MED25: variants seen among roughly 807,000 people sequenced by gnomAD.
The protein encoded by MED25 is mediator complex subunit 25, also known as mediator of RNA polymerase II transcription subunit 25.
A neutral mutation model predicts 89.4 loss-of-function variants in MED25; 62 were observed. The observed-to-expected ratio is 0.69, with a 90% CI of 0.57 to 0.86. MED25 has a LOEUF of 0.86. Ranked by LOEUF, MED25 falls within the 40% of genes least tolerant of loss-of-function variation. MED25 has a pLI of 0.00. For synonymous variants in MED25, 449 were observed against 427.9 expected (o/e 1.05, Z -0.61); for missense variants, 905 against 1,005.2 (o/e 0.90, Z 1.35).
At chr19:49,832,833 T>A in intron 13 of MED25, 1 of 298,588 alleles carries the variant, frequency 3.3e-6, no homozygotes, top group Non-Finnish European at 6.5e-6. Flanking sequence ...CTCTAGAGGC[T>A]GGAGGGAAGG....
rs1310661660 is a variant in MED25, at chr19:49,818,347, C to T, written c.6C>T (p.Val2=). The change falls in exon 1 of 18, where the codon GTC becomes GTT. Residue 2 remains valine, a synonymous_variant. Transcript: ENST00000312865. M[V]PGSEGPARAG... ...TGGCGGGTACCGCACGGGGTATGGT[C>T]CCCGGGTCCGAGGGCCCGGCCCGCG... 9 of 1,590,662 alleles carry T rather than the reference C, an allele frequency of 5.7e-6. No homozygotes were observed. The highest frequency in any genetic ancestry group is 1.8e-5 in the Admixed American group (1 of 56,128).
chr19:49,839,039 C>G, downstream of MED25: 2 of 313,524 alleles, frequency 6.4e-6, no homozygotes, highest in Non-Finnish European at 1.2e-5. Flanking sequence ...GGAGATAACT[C>G]GGGGGATTTA....
Position 49,830,216 on chromosome 19 carries a change from C to T in MED25, c.817C>T (p.Gln273Ter). ...QPLPPVPPQY[Q>*]VPGNLSAAQV... ...TCTGCCCCCCGTCCCCCCGCAGTAC[C>T]AGGTATGGATATTTCCGGGAAGGGA... is the stretch of plus-strand genomic sequence containing the variant. Residue 273 changes from glutamine to a stop codon, truncating the protein, a stop_gained and splice_region_variant, in exon 7 of 18, where the codon CAG (glutamine) becomes TAG (stop). Transcript: ENST00000312865. LOFTEE classifies it high-confidence loss of function. The surrounding 1 kb of genome is among the most constrained non-coding windows in gnomAD (Gnocchi z 4.6). The T allele has an allele frequency of 6.2e-7, 1 of 1,607,638 alleles. No homozygotes were observed. Among genetic ancestry groups the T allele is most frequent in the Non-Finnish European group, 8.5e-7 (1 of 1,176,662 alleles).
Position 49,836,725 on chromosome 19 carries a change from A to ATC in MED25, c.2147-121_2147-120insCT. 1.3e-6 allele frequency: 1 copy of ATC among 782,286 alleles called. No homozygotes were observed. The highest frequency in any genetic ancestry group is 2.2e-6 in the Non-Finnish European group (1 of 444,644). 48.5% of individuals were successfully genotyped at this position (782,286 alleles called of 1,614,324 possible). ...TGGGAAACAGCATATTTGTAACTAG[A>ATC]TGGGGCCAGAAGGTGCTTCTGTTGG... On this transcript the variant is annotated intron_variant, in intron 17 of 17. Transcript: ENST00000312865. The surrounding 1 kb of genome is among the most constrained non-coding windows in gnomAD (Gnocchi z 5.1).
At position 49,835,810 on chromosome 19, in the gene MED25, T is replaced by G. The variant is rs925130460; in HGVS notation, c.1830T>G (p.Thr610=). ...GATGQPQPQG[T]AQPPPGAPQG... Reference sequence around the variant, plus strand: ...CGGGGCAGCCCCAGCCCCAAGGTACTGCCCAGCCCCCGCCAGGTGCCCCTC... The same window carrying G: ...CGGGGCAGCCCCAGCCCCAAGGTACGGCCCAGCCCCCGCCAGGTGCCCCTC... Residue 610 remains threonine (T), a synonymous_variant, in exon 16 of 18, where the codon ACT becomes ACG. Coordinates refer to ENST00000312865, the MANE Select transcript of MED25 (RefSeq NM_030973.4). This position sits in a 1 kb window ranked among gnomAD's most constrained non-coding sequence, Gnocchi z 6.2. 3 of 1,608,110 alleles carry G rather than the reference T, an allele frequency of 1.9e-6. No individual in the cohort carries two copies. The highest frequency in any genetic ancestry group is 2.6e-6 in the Non-Finnish European group (3 of 1,176,386).
chr19:49,833,159 T>G (rs2074071370), intron 13 of MED25: 1 of 152,972 alleles, frequency 6.5e-6, no homozygotes, highest in Non-Finnish European at 1.5e-5. Flanking sequence ...CAGGCTGGAG[T>G]GCAGTGGTGC....
chr19:49,835,629 G>A lies in MED25; in HGVS notation c.1746+24G>A, dbSNP rs1043992427. 10 of 1,556,180 alleles carry A rather than the reference G, an allele frequency of 6.4e-6. No individual in the cohort carries two copies. Among genetic ancestry groups the A allele is most frequent in the Admixed American group, 1.9e-5 (1 of 52,012 alleles). ...TGGTGAGGACAGGGCTGGCGGGGTC[G>A]GGGCTGGGTTGGGGAGGCCCCAAGG... is the stretch of plus-strand genomic sequence containing the variant. On this transcript the variant is annotated intron_variant, in intron 15 of 17. Transcript: ENST00000312865. This position sits in a 1 kb window ranked among gnomAD's most constrained non-coding sequence, Gnocchi z 6.2.
downstream of MED25, among the ~76,000 whole-genome samples, chr19:49,837,192 G>GA (rs1005072603): frequency 5.9e-5 from 9 of 152,250 alleles, no homozygotes; most frequent in African/African-American, 2.2e-4. Context: ...AGCTCTCATG[G>GA]AGGTGGCAGG....
chr19:49,828,616 A>G, intron 4 of MED25, 69 bp downstream of exon 4: 1 of 1,299,154 alleles, frequency 7.7e-7, no homozygotes, highest in South Asian at 1.2e-5. Flanking sequence ...TTGCCTGTCG[A>G]GTGGTTCTAC....
At position 49,834,738 on chromosome 19, in the gene MED25, A is replaced by C; in HGVS notation, c.1483-248A>C. 1 of 564,420 alleles carries C rather than the reference A, an allele frequency of 1.8e-6. No individual in the cohort carries two copies. The highest frequency in any genetic ancestry group is 2.1e-5 in the South Asian group (1 of 48,662). 35.0% of individuals were successfully genotyped at this position (564,420 alleles called of 1,614,324 possible). A position where few individuals can be genotyped will look rare whatever the true frequency, so the allele number is the denominator to read the frequency against. On this transcript the variant is annotated intron_variant, in intron 13 of 17. Transcript: ENST00000312865. This position sits in a 1 kb window ranked among gnomAD's most constrained non-coding sequence, Gnocchi z 4.1. ...AGGAGCAGGTGGTGGCTGAAGGTTGAAGAGCTGGGCTCCAGCACTTTCTCT... is the reference window on the plus strand; with the variant it reads ...AGGAGCAGGTGGTGGCTGAAGGTTGCAGAGCTGGGCTCCAGCACTTTCTCT...
Position 49,835,920 on chromosome 19 carries a change from G to A in MED25, c.1940G>A (p.Arg647Gln), listed in dbSNP as rs756685580. 9 of 1,612,778 alleles carry A rather than the reference G, an allele frequency of 5.6e-6. No individual in the cohort carries two copies. Among genetic ancestry groups the A allele is most frequent in the East Asian group, 4.5e-5 (2 of 44,872 alleles). Residue 647 changes from arginine (R) to glutamine (Q), a missense_variant, in exon 16 of 18, where the codon CGA becomes CAA. By Grantham distance (43) the Arg-to-Gln change is conservative. Coordinates refer to ENST00000312865, the MANE Select transcript of MED25 (RefSeq NM_030973.4). The surrounding 1 kb of genome is among the most constrained non-coding windows in gnomAD (Gnocchi z 6.2). ...AACCCTGGGGCCAACCCTCAGCTGC[G>A]AAGCCTCCTCCTCAACCCACCACCG... Reference protein sequence around the residue: ...PQNPGANPQLRSLLLNPPPPQ... With the variant: ...PQNPGANPQLQSLLLNPPPPQ...
intron 3 of MED25, chr19:49,819,611 T>A (rs2073968210): frequency 1.3e-5 from 5 of 385,338 alleles, no homozygotes; most frequent in Non-Finnish European, 2.0e-5. Flanking sequence ...TGCTCAGCAA[T>A]GTTGCCATCA....
rs1419947211 is a variant in MED25, at chr19:49,829,875, G to T, written c.615G>T (p.Glu205Asp). ...FEKAAPPALL[E>D]PLQPPTDVSQ... ...AGGCAGCCCCCCCGGCCTTGCTGGA[G>T]CCGCTGCAGCCTCCGACAGATGTGA... The change falls in exon 6 of 18, where the codon GAG (glutamate) becomes GAT (aspartate). Residue 205 changes from glutamate (E) to aspartate (D), a missense_variant. Physicochemically the swap from Glu to Asp is conservative, Grantham distance 45. Transcript: ENST00000312865. This position sits in a 1 kb window ranked among gnomAD's most constrained non-coding sequence, Gnocchi z 4.6. The T allele has an allele frequency of 1.9e-6, 3 of 1,613,026 alleles. No individual in the cohort carries two copies. In the Admixed American group the frequency reaches 5.0e-5, roughly 27 times the overall value.
In MED25 at chr19:49,836,300, T is replaced by C; in HGVS notation, c.2040T>C (p.Pro680=). 1 of 1,611,504 alleles carries C rather than the reference T, an allele frequency of 6.2e-7. No individual in the cohort carries two copies. The change falls in exon 17 of 18, where the codon CCT becomes CCC. Residue 680 remains proline, a synonymous_variant. Transcript: ENST00000312865. The surrounding 1 kb of genome is among the most constrained non-coding windows in gnomAD (Gnocchi z 5.1). The part of the protein sequence containing the change: ...LQPPGAPALL[P]PPHQGLGQPQ... ...CACCAGGGGCTCCTGCGCTGCTGCC[T>C]CCGCCGCACCAGGGCCTGGGGCAGC...
Position 49,829,899 on chromosome 19 carries a change from G to C in MED25, c.639G>C (p.Val213=), listed in dbSNP as rs941601795. The C allele has an allele frequency of 1.2e-6, 2 of 1,613,414 alleles. No homozygotes were observed. The highest frequency in any genetic ancestry group is 1.7e-6 in the Non-Finnish European group (2 of 1,179,972). The change falls in exon 6 of 18, where the codon GTG becomes GTC. Residue 213 remains valine, a synonymous_variant. Coordinates refer to ENST00000312865, the MANE Select transcript of MED25 (RefSeq NM_030973.4). The surrounding 1 kb of genome is among the most constrained non-coding windows in gnomAD (Gnocchi z 4.6). ...AGCCGCTGCAGCCTCCGACAGATGT[G>C]AGCCAGGACCCGAGGCACATGGTGC... The part of the protein sequence containing the change: ...LLEPLQPPTD[V]SQDPRHMVLV...
downstream of MED25, chr19:49,840,135 C>T (rs562250831): frequency 6.6e-6 from 1 of 152,076 alleles, no homozygotes; most frequent in South Asian, 2.1e-4. Context: ...TCTAAACTGC[C>T]CGTCCCCACC....
At chr19:49,838,621 GA>G, downstream of MED25, 1 of 457,374 alleles carries the variant, frequency 2.2e-6, no homozygotes. Context: ...TGTGTTTCGA[GA>G]AAAATGGGAG....
Position 49,835,871 on chromosome 19 carries a change from C to T in MED25, c.1891C>T (p.Pro631Ser), listed in dbSNP as rs764083423. The change falls in exon 16 of 18, where the codon CCT becomes TCT. Residue 631 changes from proline (P) to serine (S), a missense_variant. Around this residue, in one of 3 missense-constraint regions of MED25, gnomAD observed 271 missense variants for 258.1 expected, o/e 1.05. Transcript: ENST00000312865. This position sits in a 1 kb window ranked among gnomAD's most constrained non-coding sequence, Gnocchi z 6.2. ...PPGAASGPPP[P>S]GPILRPQNPG... is the part of the protein sequence containing the mutation. ...TGGAGCAGCTTCTGGCCCACCCCCT[C>T]CTGGACCCATCCTTCGGCCCCAGAA... 54 of 1,612,656 alleles carry T rather than the reference C, an allele frequency of 3.3e-5. No homozygotes were observed. The highest frequency in any genetic ancestry group is 4.5e-5 in the Non-Finnish European group (53 of 1,179,914).
In MED25 at chr19:49,836,754, C is replaced by T. The variant is rs1264544348; in HGVS notation, c.2147-93C>T. The T allele has an allele frequency of 2.1e-6, 2 of 935,382 alleles. No homozygotes were observed. The highest frequency in any genetic ancestry group is 1.4e-5 in the South Asian group (1 of 72,192). 57.9% of individuals were successfully genotyped at this position (935,382 alleles called of 1,614,324 possible). A position where few individuals can be genotyped will look rare whatever the true frequency, so the allele number is the denominator to read the frequency against. ...GGCCAGAAGGTGCTTCTGTTGGGTC[C>T]CCCAAGGGCTGCCTAGAAAACTTAG... On this transcript the variant is annotated intron_variant, in intron 17 of 17. Transcript: ENST00000312865. The surrounding 1 kb of genome is among the most constrained non-coding windows in gnomAD (Gnocchi z 5.1).
Sources: gnomAD v4.1 joint callset for allele counts (sites outside exome capture counted in the v4.1 genomes callset) on GRCh38, gnomAD v4.1.1 for gene constraint, gnomAD v4.1.1 regional missense constraint, Gnocchi (gnomAD v3.1) non-coding constraint, MANE v1.5 for transcripts, NCBI Gene and HGNC (gene_info 2026-07-23, HGNC 2026-07-21) for gene names.